TASP1: variants seen among roughly 807,000 people sequenced by gnomAD.
TASP1 encodes the protein threonine aspartase 1.
In TASP1, 16 loss-of-function variants were observed where a neutral mutation model predicts 56.6. The ratio of observed to expected loss-of-function variants is 0.28; its 90% confidence interval spans 0.19 to 0.43. TASP1 has a LOEUF of 0.43. TASP1 is among the 20% of genes least tolerant of loss of function. The pLI is 1.00. For missense variants in TASP1, 393 were observed against 511.6 expected (o/e 0.77, Z 2.24); for synonymous variants, 179 against 184.2 (o/e 0.97, Z 0.23).
the TASP1 span, chr20:13,270,396 T>C: frequency 7.8e-7 from 1 of 1,282,160 alleles, no homozygotes; most frequent in Non-Finnish European, 1.1e-6. Flanking sequence ...ACTGGCTTAA[T>C]TTCAGCCACT....
chr20:13,114,874 G>A, the TASP1 span, among the ~76,000 whole-genome samples: 1 of 152,150 alleles, frequency 6.6e-6, no homozygotes, highest in Non-Finnish European at 1.5e-5. Context: ...GAAAAGTGGT[G>A]AGAGGGAGAT....
At chr20:13,279,654 C>G in the TASP1 span, 6 of 1,613,768 alleles carry the variant, frequency 3.7e-6, no homozygotes, top group Non-Finnish European at 4.2e-6. Context: ...AGGTGGTCGA[C>G]GGTCCTGACT....
chr20:13,459,881 T>C (rs1438698605), intron 11 of TASP1, among the ~76,000 whole-genome samples: 1 of 152,084 alleles, frequency 6.6e-6, no homozygotes, highest in Non-Finnish European at 1.5e-5. Flanking sequence ...AACACACACA[T>C]CATTAATTTG....
chr20:13,123,788 C>A, the TASP1 span, among the ~76,000 whole-genome samples: 4 of 152,228 alleles, frequency 2.6e-5, no homozygotes, highest in Non-Finnish European at 5.9e-5. Flanking sequence ...AGATCACACC[C>A]TTGAAACACC....
chr20:13,232,201 A>G, the TASP1 span, among the ~76,000 whole-genome samples: 1 of 152,222 alleles, frequency 6.6e-6, no homozygotes, highest in African/African-American at 2.4e-5. Context: ...AATAAACTGT[A>G]CATATTTAAA....
chr20:13,625,054 C>A (rs2048839116), intron 3 of TASP1, 131 bp downstream of exon 3: 2 of 587,130 alleles, frequency 3.4e-6, no homozygotes, highest in African/African-American at 1.9e-5. Flanking sequence ...CCTACAAAAA[C>A]AAGCAAAATA....
At chr20:13,106,711 G>A in the TASP1 span, among the ~76,000 whole-genome samples, 22 of 152,270 alleles carry the variant, frequency 1.4e-4, no homozygotes, top group South Asian at 2.1e-4. Flanking sequence ...TGGGGTAACC[G>A]TGCCCTACGT....
chr20:13,273,028 CAT>C, the TASP1 span, among the ~76,000 whole-genome samples: 4 of 152,248 alleles, frequency 2.6e-5, no homozygotes, highest in African/African-American at 9.6e-5. Flanking sequence ...AACGCAAAGT[CAT>C]AGGAAAATGC....
chr20:13,415,338 C>T (rs1490422526), intron 13 of TASP1, among the ~76,000 whole-genome samples: 1 of 151,830 alleles, frequency 6.6e-6, no homozygotes, highest in African/African-American at 2.4e-5. Context: ...CTTTGTCTTA[C>T]TTGCAATACA....
chr20:13,109,796 C>A, the TASP1 span, among the ~76,000 whole-genome samples: 826 of 152,234 alleles, frequency 5.4e-3, 7 homozygotes, highest in African/African-American at 0.019. Flanking sequence ...AAGCTTAGAC[C>A]TAAGAGATGC....
At chr20:13,409,513 C>A (rs111259729) in intron 13 of TASP1, among the ~76,000 whole-genome samples, 2,063 of 152,192 alleles carry the variant, frequency 0.014, 34 homozygotes, top group Non-Finnish European at 0.022. Flanking sequence ...CTATGTCTGA[C>A]ACTAATATAG....
chr20:13,283,976 C>T, the TASP1 span, among the ~76,000 whole-genome samples: 25 of 152,294 alleles, frequency 1.6e-4, no homozygotes, highest in Middle Eastern at 3.4e-3. Context: ...GAACAGGATA[C>T]GGTGGGAGCA....
the TASP1 span, among the ~76,000 whole-genome samples, chr20:13,293,371 CT>C: frequency 2.2e-4 from 33 of 152,248 alleles, no homozygotes; most frequent in African/African-American, 7.5e-4. Flanking sequence ...GCTTTATGTG[CT>C]TCTCTATATA....
At chr20:13,277,170 A>G in the TASP1 span, among the ~76,000 whole-genome samples, 1 of 152,152 alleles carries the variant, frequency 6.6e-6, no homozygotes, top group Non-Finnish European at 1.5e-5. Flanking sequence ...TGACGGTAAT[A>G]GCTTGAAACA....
chr20:13,501,102 A>T (rs2043928836), intron 10 of TASP1, among the ~76,000 whole-genome samples: 1 of 152,108 alleles, frequency 6.6e-6, no homozygotes, highest in Non-Finnish European at 1.5e-5. Context: ...AAAAGCCAAC[A>T]CAGAATTCTC....
At chr20:13,450,468 T>A (rs1274316352) in intron 11 of TASP1, among the ~76,000 whole-genome samples, 1 of 152,292 alleles carries the variant, frequency 6.6e-6, no homozygotes, top group African/African-American at 2.4e-5. Context: ...GAAGTTGCTT[T>A]ATCAAATAAG....
At chr20:13,174,344 G>A in the TASP1 span, among the ~76,000 whole-genome samples, 2 of 152,106 alleles carry the variant, frequency 1.3e-5, no homozygotes. Context: ...GTTAACCAAA[G>A]CTTAAAAAAT....
the TASP1 span, among the ~76,000 whole-genome samples, chr20:13,249,359 C>A: frequency 2.0e-5 from 3 of 152,198 alleles, no homozygotes; most frequent in Non-Finnish European, 4.4e-5. Context: ...GTTCTGCCAG[C>A]AGACCACTGC....
At chr20:13,545,901 C>A (rs1601195135) in intron 8 of TASP1, among the ~76,000 whole-genome samples, 1 of 152,184 alleles carries the variant, frequency 6.6e-6, no homozygotes, top group East Asian at 1.9e-4. Flanking sequence ...TATCCAACAT[C>A]CAGCTTAAAT....
Sources: allele counts gnomAD v4.1 joint callset (sites outside exome capture counted in the v4.1 genomes callset), GRCh38; gene constraint gnomAD v4.1.1; transcripts MANE v1.5; gene names NCBI Gene and HGNC (gene_info 2026-07-23, HGNC 2026-07-21).